Variants in MYH13 observed in about 807,000 individuals in gnomAD.
The protein encoded by MYH13 is myosin heavy chain 13.
A neutral mutation model predicts 232.1 loss-of-function variants in MYH13; 177 were observed. The observed-to-expected ratio is 0.76, with a 90% CI of 0.67 to 0.86. MYH13 has a LOEUF of 0.86. Among genes scored for constraint, MYH13 ranks in the 40% least tolerant of loss-of-function variants. The pLI is 0.00. For synonymous variants in MYH13, 884 were observed against 923.5 expected, an observed-to-expected ratio of 0.96 and a Z score of 0.78; for missense variants, 2,246 against 2,405.9, an observed-to-expected ratio of 0.93 and a Z score of 1.39.
At position 10,306,713 on chromosome 17, in the gene MYH13, T is replaced by C; in HGVS notation, c.5296-84A>G. 1 of 1,580,256 alleles carries C rather than the reference T, an allele frequency of 6.3e-7. No homozygotes were observed. Among genetic ancestry groups the C allele is most frequent in the Non-Finnish European group, 8.6e-7 (1 of 1,165,288 alleles). ...GCAGAAGAGGCGAAGGCTGGGATCA[T>C]GGTGCTGAGCCTCCCCTGTCTGACT... is the stretch of plus-strand genomic sequence containing the variant. On this transcript the variant is annotated intron_variant, in intron 36 of 40. Coordinates refer to ENST00000252172, the MANE Select transcript of MYH13 (RefSeq NM_003802.3). This position sits in a 1 kb window ranked among gnomAD's most constrained non-coding sequence, Gnocchi z 4.3.
intron 21 of MYH13, among the ~76,000 whole-genome samples, 165 bp from the exon 22 acceptor site, chr17:10,328,286 G>A (rs910549089): frequency 1.3e-5 from 2 of 152,184 alleles, no homozygotes; most frequent in South Asian, 2.1e-4. Context: ...CTGCAAATGA[G>A]GGGCAGAGGA....
At position 10,309,289 on chromosome 17, in the gene MYH13, A is replaced by T; in HGVS notation, c.5114T>A (p.Leu1705Gln). 1.2e-6 allele frequency: 2 copies of T among 1,613,884 alleles called. No homozygotes were observed. ...GGCGTCCAGCAGCTCCTGCTCTGAC[A>T]GCCTGCGGGTCCGCTCCGTCTGTTC... ...ALEQTERTRR[L>Q]SEQELLDASD... The change falls in exon 35 of 41, where the codon CTG becomes CAG. Residue 1705 changes from leucine to glutamine, a missense_variant. Physicochemically the swap from Leu to Gln is moderately radical, Grantham distance 113 (BLOSUM62 -2). Transcript: ENST00000252172.
In MYH13 at chr17:10,301,719, AG is replaced by A. The variant is rs1251654969; in HGVS notation, c.5668-17del. Reference sequence around the variant, plus strand: ...CCTGCTCCTCCTGCACAGGAGACAGAGGGGGTATGACGCTGTAGAGCCTCTC... The same window carrying A: ...CCTGCTCCTCCTGCACAGGAGACAGAGGGGTATGACGCTGTAGAGCCTCTC... On this transcript the variant is annotated splice_polypyrimidine_tract_variant and intron_variant, in intron 39 of 40. Coordinates refer to ENST00000252172, the MANE Select transcript of MYH13 (RefSeq NM_003802.3). The A allele has an allele frequency of 1.2e-6, 2 of 1,612,102 alleles. No individual in the cohort carries two copies. The highest frequency in any genetic ancestry group is 1.7e-6 in the Non-Finnish European group (2 of 1,179,730).
At position 10,345,262 on chromosome 17, in the gene MYH13, G is replaced by A. The variant is rs760585886; in HGVS notation, c.1524C>T (p.Ile508=). 71 of 1,614,036 alleles carry A rather than the reference G, an allele frequency of 4.4e-5. No individual in the cohort carries two copies. The highest frequency in any genetic ancestry group is 1.2e-4 in the South Asian group (11 of 91,090). Residue 508 remains isoleucine (I), a synonymous_variant, in exon 15 of 41, where the codon ATC becomes ATT. Coordinates refer to ENST00000252172, the MANE Select transcript of MYH13 (RefSeq NM_003802.3). ...LEQEEYKKEG[I]EWEFIDFGMD... ...TTCCGAAGTCAATGAACTCCCACTC[G>A]ATGCCTTCCTTCTTGTACTCTTCCT...
chr17:10,312,230 C>T (rs1906533828), intron 31 of MYH13, among the ~76,000 whole-genome samples, 154 bp from the exon 32 acceptor site: 1 of 152,186 alleles, frequency 6.6e-6, no homozygotes, highest in African/African-American at 2.4e-5. Flanking sequence ...TCAGGGACCC[C>T]AAACTGTGAT....
chr17:10,312,688 C>T lies in MYH13; in HGVS notation c.4251G>A (p.Ser1417=), dbSNP rs762888115. ...NTETANSKCA[S]LEKTKQRLQG... is the part of the protein sequence containing the mutation. ...GCAGCCTCTGCTTGGTTTTCTCCAA[C>T]GATGCGCACTTGGAGTTCGCCGTCT... Residue 1417 remains serine (S), a synonymous_variant, in exon 31 of 41, where the codon TCG becomes TCA. Coordinates refer to ENST00000252172, the MANE Select transcript of MYH13 (RefSeq NM_003802.3). 72 of 1,613,444 alleles carry T rather than the reference C, an allele frequency of 4.5e-5. No individual in the cohort carries two copies. The highest frequency in any genetic ancestry group is 2.0e-4 in the African/African-American group (15 of 74,870).
At chr17:10,362,570 TGTG>T in intron 3 of MYH13, 67 bp from the exon 4 acceptor site, 1 of 1,595,928 alleles carries the variant, frequency 6.3e-7, no homozygotes, top group Non-Finnish European at 8.6e-7. Flanking sequence ...ACTTTACTGG[TGTG>T]GTGGAAGTAG....
At chr17:10,313,098 C>G in intron 30 of MYH13, 60 bp downstream of exon 30, 2 of 1,610,778 alleles carry the variant, frequency 1.2e-6, no homozygotes, top group Non-Finnish European at 1.7e-6. Context: ...TATGAAGACT[C>G]CTGGTCCCTT....
rs1382278600 is a variant in MYH13 at position 10,306,654 on chromosome 17, A to G, written c.5296-25T>C. ...CCTGGTTAAGTTCACAGGACACATC[A>G]GAGGCCCTGTCCGCCCATCCCTACC... is the stretch of plus-strand genomic sequence containing the variant. On this transcript the variant is annotated intron_variant, in intron 36 of 40. Transcript: ENST00000252172. This position sits in a 1 kb window ranked among gnomAD's most constrained non-coding sequence, Gnocchi z 4.3. The G allele has an allele frequency of 5.0e-6, 8 of 1,613,280 alleles. No homozygotes were observed. The highest frequency in any genetic ancestry group is 6.8e-6 in the Non-Finnish European group (8 of 1,179,852).
At chr17:10,330,698 C>T (rs1286460681) in intron 20 of MYH13, among the ~76,000 whole-genome samples, 175 bp from the exon 21 acceptor site, 2 of 151,888 alleles carry the variant, frequency 1.3e-5, no homozygotes, top group Non-Finnish European at 2.9e-5. Context: ...AGTGGCTCCT[C>T]CTGGGCAGTG....
chr17:10,336,606 C>T (rs1289613739), intron 18 of MYH13, among the ~76,000 whole-genome samples: 1 of 152,050 alleles, frequency 6.6e-6, no homozygotes, highest in African/African-American at 2.4e-5. Flanking sequence ...CCTTAACCCC[C>T]GACCCCTACC....
rs751526506 is a variant in MYH13 at position 10,344,041 on chromosome 17, C to T, written c.1653G>A (p.Lys551=). The T allele has an allele frequency of 1.4e-5, 23 of 1,614,094 alleles. No homozygotes were observed. The South Asian group carries it at 2.1e-4, about 15-fold the overall frequency. Reference sequence around the variant, plus strand: ...CAAGATGCTGGTCATACAGCTTGTTCTTGAAGGAGGTGTCTGTTGCCTTGG... The same window carrying T: ...CAAGATGCTGGTCATACAGCTTGTTTTTGAAGGAGGTGTCTGTTGCCTTGG... ...MFPKATDTSF[K]NKLYDQHLGK... Residue 551 remains lysine, a synonymous_variant, in exon 16 of 41, where the codon AAG becomes AAA. Coordinates refer to ENST00000252172, the MANE Select transcript of MYH13 (RefSeq NM_003802.3).
chr17:10,312,031 A>G lies in MYH13; in HGVS notation c.4411T>C (p.Leu1471=), dbSNP rs759268800. 1.9e-6 allele frequency: 3 copies of G among 1,613,904 alleles called. No individual in the cohort carries two copies. The highest frequency in any genetic ancestry group is 1.7e-4 in the Middle Eastern group (1 of 6,046). ...CTGGACTCCTTCTGAGCAGCTTCCA[A>G]CTCAGCCTGGCTTTCGTCCAGCTTT... ...KQKLDESQAE[L]EAAQKESRSL... The change falls in exon 32 of 41, where the codon TTG becomes CTG. Residue 1471 remains leucine, a synonymous_variant. Transcript: ENST00000252172.
chr17:10,314,574 C>A (rs1906634687), intron 29 of MYH13, among the ~76,000 whole-genome samples: 1 of 152,156 alleles, frequency 6.6e-6, no homozygotes, highest in Admixed American at 6.5e-5. Flanking sequence ...CCTCATCTAC[C>A]AAAGATCTTT....
At chr17:10,312,404 C>G (rs1906538508) in intron 31 of MYH13, among the ~76,000 whole-genome samples, 170 bp downstream of exon 31, 1 of 152,200 alleles carries the variant, frequency 6.6e-6, no homozygotes, top group Non-Finnish European at 1.5e-5. Flanking sequence ...TGGGGGCCTT[C>G]TAGGATGTGC....
At chr17:10,326,393 A>G (rs900175355) in intron 22 of MYH13, among the ~76,000 whole-genome samples, 1 of 152,266 alleles carries the variant, frequency 6.6e-6, no homozygotes, top group African/African-American at 2.4e-5. Flanking sequence ...ATTTATTAAA[A>G]AGGGAAAATT....
chr17:10,337,971 T>C (rs1001880237), intron 18 of MYH13, among the ~76,000 whole-genome samples: 9 of 152,036 alleles, frequency 5.9e-5, no homozygotes, highest in Non-Finnish European at 1.2e-4. Flanking sequence ...GAGAATAGCT[T>C]GAACCAGGGA....
At chr17:10,311,881 T>C (rs747126522) in intron 32 of MYH13, 30 bp downstream of exon 32, 2 of 1,613,034 alleles carry the variant, frequency 1.2e-6, no homozygotes, top group Non-Finnish European at 1.7e-6. Context: ...GAGGGGGACA[T>C]AGCACACACC....
chr17:10,306,104 T>C lies in MYH13; in HGVS notation c.5466+355A>G, dbSNP rs1207046063. 2.0e-5 allele frequency among the ~76,000 whole-genome samples: 3 copies of C among 152,190 alleles called. No homozygotes were observed. The highest frequency in any genetic ancestry group is 7.2e-5 in the African/African-American group (3 of 41,438). ...AGTAATTTTATGACTGTAGAGTATA[T>C]GTTAATAGTTTTTTCCATGTATGTG... On this transcript the variant is annotated intron_variant, in intron 37 of 40. Coordinates refer to ENST00000252172, the MANE Select transcript of MYH13 (RefSeq NM_003802.3). The surrounding 1 kb of genome is among the most constrained non-coding windows in gnomAD (Gnocchi z 4.3).
Sources: allele counts gnomAD v4.1 joint callset (sites outside exome capture counted in the v4.1 genomes callset), GRCh38; gene constraint gnomAD v4.1.1; non-coding constraint Gnocchi (gnomAD v3.1); transcripts MANE v1.5; gene names NCBI Gene and HGNC (gene_info 2026-07-23, HGNC 2026-07-21).